The following MTM1 variants were observed in gnomAD, a reference collection of about 807,000 sequenced individuals.
The protein encoded by MTM1 is myotubularin 1, also known as myotubularin.
A neutral mutation model predicts 52.1 loss-of-function variants in MTM1; 9 were observed. The ratio of observed to expected loss-of-function variants is 0.17; its 90% confidence interval spans 0.10 to 0.30. The LOEUF is 0.30. Among genes scored for constraint, MTM1 ranks in the 10% least tolerant of loss-of-function variants. MTM1 has a pLI of 1.00. For missense variants in MTM1, 277 were observed against 470.7 expected, an observed-to-expected ratio of 0.59 and a Z score of 3.81; for synonymous variants, 136 against 163.8, an observed-to-expected ratio of 0.83 and a Z score of 1.29.
rs1239727171 is a variant in MTM1 at position 150,583,522 on chromosome X, ATT to A, written c.-10-9082_-10-9081del. 4.8e-3 allele frequency among the ~76,000 whole-genome samples: 156 copies of A among 32,413 alleles called. 18 individuals are homozygous for A. Among genetic ancestry groups the A allele is most frequent in the African/African-American group, 0.018 (151 of 8,307 alleles). 28.1% of individuals were successfully genotyped at this position (32,413 alleles called of 115,157 possible). On this transcript the variant is annotated intron_variant, in intron 1 of 14. Coordinates refer to ENST00000370396, the MANE Select transcript of MTM1 (RefSeq NM_000252.3). The stretch of plus-strand genomic sequence containing the variant: ...TTATAAATATATATAATTTATATAT[ATT>A]ATATATAAATTATATATATTATACA...
At chrX:150,654,024 G>C (rs2040071576) in intron 10 of MTM1, among the ~76,000 whole-genome samples, 1 of 111,810 alleles carries the variant, frequency 8.9e-6, no homozygotes, top group Middle Eastern at 4.6e-3. Flanking sequence ...AGTGGAATGA[G>C]GTTTCAGGCC....
upstream of MTM1, among the ~76,000 whole-genome samples, chrX:150,567,837 A>T (rs1432868793): frequency 8.9e-6 from 1 of 112,475 alleles, no homozygotes; most frequent in Non-Finnish European, 1.9e-5. Flanking sequence ...TACAGGCGTG[A>T]GCCACCGCGC....
intron 1 of MTM1, among the ~76,000 whole-genome samples, chrX:150,574,307 C>T (rs1557411557): frequency 9.0e-6 from 1 of 111,294 alleles, no homozygotes; most frequent in African/African-American, 3.3e-5. Flanking sequence ...TGCCCTTGCT[C>T]CCCGGGAGCT....
intron 9 of MTM1, 78 bp from the exon 10 acceptor site, chrX:150,649,638 A>G: frequency 1.1e-6 from 1 of 949,251 alleles, no homozygotes; most frequent in Non-Finnish European, 1.5e-6. Flanking sequence ...TGGAGGACAA[A>G]TAACTAGAAA....
chrX:150,572,028 CTT>C (rs2038386669), intron 1 of MTM1, among the ~76,000 whole-genome samples: 1 of 112,155 alleles, frequency 8.9e-6, no homozygotes, highest in South Asian at 3.6e-4. Context: ...GGAGGCATCT[CTT>C]TAGATAATTG....
rs1318461097 is a variant in MTM1, at chrX:150,672,569, A to C, written c.*974A>C. 1 of 111,777 alleles carries C rather than the reference A, an allele frequency of 8.9e-6. No homozygotes were observed. Among genetic ancestry groups the C allele is most frequent in the Non-Finnish European group, 1.9e-5 (1 of 53,271 alleles). The allele number at this position is 111,777 out of a possible 1,213,427, so 9.2% of individuals were successfully genotyped here. ...TGAAAGTATTGTGTTTATGCATTTC[A>C]ATTTCAATGGTGTTGGCTTCCCCTC... On this transcript the variant is annotated 3_prime_UTR_variant, in exon 15 of 15. Transcript: ENST00000370396.
In MTM1 at chrX:150,657,628, A is replaced by G. The variant is rs222409; in HGVS notation, c.1054-193A>G. 0.27 allele frequency among the ~76,000 whole-genome samples: 29,949 copies of G among 110,482 alleles called. 3,620 individuals are homozygous for G. The highest frequency in any genetic ancestry group is 0.48 in the African/African-American group (14,444 of 30,159). ...AACTTAAAGTATAATTTAAAAAAAAAAGAAGAAAAGAAAACAAATGCAGCG... is the reference window on the plus strand; with the variant it reads ...AACTTAAAGTATAATTTAAAAAAAAGAGAAGAAAAGAAAACAAATGCAGCG... On this transcript the variant is annotated intron_variant, in intron 10 of 14. Coordinates refer to ENST00000370396, the MANE Select transcript of MTM1 (RefSeq NM_000252.3).
Position 150,569,741 on chromosome X carries a change from C to T in MTM1, c.-11+1079C>T, listed in dbSNP as rs782472688. 5.7e-4 allele frequency among the ~76,000 whole-genome samples: 64 copies of T among 112,023 alleles called. No homozygotes were observed. In the South Asian group the frequency reaches 0.024, roughly 42 times the overall value. On this transcript the variant is annotated intron_variant, in intron 1 of 14. Transcript: ENST00000370396. ...AGCACCTTAGAGTCTTGAGACTGAG[C>T]CAGCAATTTTGCTAGACTGCAAACC... is the stretch of plus-strand genomic sequence containing the variant.
intron 10 of MTM1, among the ~76,000 whole-genome samples, chrX:150,655,241 T>C (rs1346458943): frequency 7.6e-5 from 8 of 105,039 alleles, no homozygotes; most frequent in African/African-American, 2.8e-4. Flanking sequence ...AGGAGAATGG[T>C]GTGAACCCAG....
At chrX:150,591,580 C>T (rs2038886489) in intron 1 of MTM1, among the ~76,000 whole-genome samples, 1 of 112,869 alleles carries the variant, frequency 8.9e-6, no homozygotes, top group South Asian at 3.6e-4. Context: ...GCTGTTAAAT[C>T]CCACTAGATT....
chrX:150,581,413 C>T (rs1449203532), intron 1 of MTM1, among the ~76,000 whole-genome samples: 1 of 111,350 alleles, frequency 9.0e-6, no homozygotes, highest in Non-Finnish European at 1.9e-5. Context: ...GTGTTTTGTG[C>T]ACTAGTAATA....
chrX:150,575,970 C>G (rs937877222), intron 1 of MTM1, among the ~76,000 whole-genome samples: 2 of 111,067 alleles, frequency 1.8e-5, no homozygotes, highest in Non-Finnish European at 3.8e-5. Flanking sequence ...GAGGGAGAAC[C>G]TGTGTTTTCC....
intron 6 of MTM1, among the ~76,000 whole-genome samples, chrX:150,626,503 G>C (rs1323421615): frequency 9.1e-6 from 1 of 110,434 alleles, no homozygotes; most frequent in Non-Finnish European, 1.9e-5. Context: ...TAGTAGAGAC[G>C]GGGTTTCACC....
At chrX:150,621,931 G>T (rs1028089303) in intron 6 of MTM1, among the ~76,000 whole-genome samples, 1 of 111,756 alleles carries the variant, frequency 8.9e-6, no homozygotes, top group Non-Finnish European at 1.9e-5. Flanking sequence ...AGTGACATCT[G>T]CATGGGAGTT....
intron 4 of MTM1, among the ~76,000 whole-genome samples, chrX:150,606,937 C>CCTCGGTTCCCTCCCTTCA (rs2039173836): frequency 1.3e-5 from 1 of 75,388 alleles, no homozygotes; most frequent in Admixed American, 1.5e-4. Flanking sequence ...CCCTCCCTTC[C>CCTCGGTTCCCTCCCTTCA]CTTCCCTCCC....
chrX:150,583,326 TA>T (rs1225317659), intron 1 of MTM1, among the ~76,000 whole-genome samples: 1 of 54,784 alleles, frequency 1.8e-5, no homozygotes, highest in Non-Finnish European at 2.9e-5. Flanking sequence ...TAAATATATA[TA>T]AATTATATAT....
At chrX:150,624,652 G>A (rs1191584705) in intron 6 of MTM1, among the ~76,000 whole-genome samples, 1 of 111,940 alleles carries the variant, frequency 8.9e-6, no homozygotes, top group Non-Finnish European at 1.9e-5. Context: ...GTTGCAGCCA[G>A]CATTTTAAAA....
At chrX:150,646,826 A>T (rs1349411702) in intron 9 of MTM1, among the ~76,000 whole-genome samples, 2 of 112,367 alleles carry the variant, frequency 1.8e-5, no homozygotes, top group African/African-American at 6.5e-5. Flanking sequence ...AGCAGCTCAG[A>T]TAGGTGCAGC....
At chrX:150,613,116 C>A (rs1371668405) in intron 4 of MTM1, among the ~76,000 whole-genome samples, 7 of 89,417 alleles carry the variant, frequency 7.8e-5, no homozygotes, top group African/African-American at 2.6e-4. Context: ...GCCTGAGCAA[C>A]AGAGCAAGAA....
Sources: allele counts gnomAD v4.1 joint callset (sites outside exome capture counted in the v4.1 genomes callset), GRCh38; gene constraint gnomAD v4.1.1; transcripts MANE v1.5; gene names NCBI Gene and HGNC (gene_info 2026-07-23, HGNC 2026-07-21).